PAPPA: variants seen among roughly 807,000 people sequenced by gnomAD.
The protein encoded by PAPPA is pappalysin 1.
In PAPPA, 60 loss-of-function variants were observed where a neutral mutation model predicts 164.0. The ratio of observed to expected loss-of-function variants is 0.37; its 90% CI spans 0.30 to 0.45. PAPPA has a LOEUF of 0.45. Among genes scored for constraint, PAPPA ranks in the 20% least tolerant of loss-of-function variants. PAPPA has a pLI of 1.00. For missense variants in PAPPA, 1,782 were observed against 2,087.3 expected (o/e 0.85, Z 2.85); for synonymous variants, 875 against 814.1 (o/e 1.07, Z -1.27).
chr9:116,207,038 T>C (rs972389464), intron 2 of PAPPA, among the ~76,000 whole-genome samples: 3 of 152,126 alleles, frequency 2.0e-5, no homozygotes, highest in Non-Finnish European at 4.4e-5. Flanking sequence ...GACCCTTTAT[T>C]ATTCTAAGAG....
chr9:116,284,545 C>CTTTTT lies in PAPPA; in HGVS notation c.2953+13148_2953+13152dup, dbSNP rs61248033. On this transcript the variant is annotated intron_variant, in intron 9 of 21. Transcript: ENST00000328252. ...CAAAATCTCTATCTTTAGTCTGGGC[C>CTTTTT]TTTTTTTTTTTTTTTTTTTTTTTGA... Among the ~76,000 whole-genome samples, 594 of 88,258 alleles carry CTTTTT rather than the reference C, an allele frequency of 6.7e-3. 33 individuals are homozygous for CTTTTT. Among genetic ancestry groups the CTTTTT allele is most frequent in the African/African-American group, 0.026 (565 of 21,970 alleles). 57.9% of individuals were successfully genotyped at this position (88,258 alleles called of 152,430 possible). A position where few individuals can be genotyped will look rare whatever the true frequency, so the allele number is the denominator to read the frequency against.
At chr9:116,299,437 T>C (rs1353091951) in intron 9 of PAPPA, among the ~76,000 whole-genome samples, 1 of 152,168 alleles carries the variant, frequency 6.6e-6, no homozygotes, top group Admixed American at 6.5e-5. Context: ...TTTAACATAA[T>C]CAGGAAGAAA....
At chr9:116,223,667 C>T (rs889488193) in intron 5 of PAPPA, among the ~76,000 whole-genome samples, 1 of 152,198 alleles carries the variant, frequency 6.6e-6, no homozygotes, top group Non-Finnish European at 1.5e-5. Context: ...AGTCAGTCCA[C>T]AAATTCAATA....
At chr9:116,273,126 A>T (rs759698291) in intron 9 of PAPPA, among the ~76,000 whole-genome samples, 5 of 152,184 alleles carry the variant, frequency 3.3e-5, no homozygotes, top group Non-Finnish European at 7.3e-5. Flanking sequence ...CATGTAATTT[A>T]TGTGCTTCTG....
chr9:116,275,764 C>T (rs775391949), intron 9 of PAPPA, among the ~76,000 whole-genome samples: 1 of 152,062 alleles, frequency 6.6e-6, no homozygotes, highest in African/African-American at 2.4e-5. Flanking sequence ...TTTAGAAGGG[C>T]TGATGTTTTC....
rs1005486386 is a variant in PAPPA at position 116,154,720 on chromosome 9, CAG to C, written c.415+137_415+138del. 30 of 1,081,174 alleles carry C rather than the reference CAG, an allele frequency of 2.8e-5. No homozygotes were observed. The African/African-American group carries it at 5.0e-4, about 18-fold the overall frequency. 67.0% of individuals were successfully genotyped at this position (1,081,174 alleles called of 1,614,324 possible). On this transcript the variant is annotated intron_variant, in intron 1 of 21. Transcript: ENST00000328252. This position sits in a 1 kb window ranked among gnomAD's most constrained non-coding sequence, Gnocchi z 5.2. Reference sequence around the variant, plus strand: ...TGCGAGAGCTGCCCCGCGAGCGGCGCAGAGACATCCGGGCGAGCTGAGAGCCT... The same window carrying C: ...TGCGAGAGCTGCCCCGCGAGCGGCGCAGACATCCGGGCGAGCTGAGAGCCT...
intron 10 of PAPPA, among the ~76,000 whole-genome samples, chr9:116,322,579 G>A (rs947672097): frequency 2.0e-5 from 3 of 152,162 alleles, no homozygotes; most frequent in African/African-American, 4.8e-5. Flanking sequence ...CTTTACAGCT[G>A]TAGTCTTATA....
chr9:116,181,723 T>C (rs1309919855), intron 1 of PAPPA, among the ~76,000 whole-genome samples: 4 of 152,192 alleles, frequency 2.6e-5, no homozygotes, highest in African/African-American at 9.6e-5. Flanking sequence ...ATCAGGCAGG[T>C]AGGCTGGTAA....
chr9:116,312,573 T>C (rs1250183887), intron 10 of PAPPA, among the ~76,000 whole-genome samples: 1 of 152,056 alleles, frequency 6.6e-6, no homozygotes, highest in Non-Finnish European at 1.5e-5. Context: ...AAGGATGGGG[T>C]TTTGAGGTGA....
chr9:116,339,677 C>T lies in PAPPA; in HGVS notation c.3611+4603C>T, dbSNP rs371808786. ...GCAACCCAGAATGATTTATAAACAG[C>T]CTTTCTGTTTTTATCTCTGCTTCCC... On this transcript the variant is annotated intron_variant, in intron 13 of 21. Transcript: ENST00000328252. Among the ~76,000 whole-genome samples, 58 of 152,264 alleles carry T rather than the reference C, an allele frequency of 3.8e-4. No individual in the cohort carries two copies. The South Asian group carries it at 0.012, about 31-fold the overall frequency.
chr9:116,194,115 A>C (rs1317775229), intron 2 of PAPPA, among the ~76,000 whole-genome samples: 1 of 152,194 alleles, frequency 6.6e-6, no homozygotes, highest in East Asian at 1.9e-4. Flanking sequence ...TTTTTTCTTC[A>C]GACTGTAGAC....
intron 1 of PAPPA, among the ~76,000 whole-genome samples, chr9:116,179,578 G>A (rs191534914): frequency 6.6e-6 from 1 of 152,254 alleles, no homozygotes; most frequent in Non-Finnish European, 1.5e-5. Flanking sequence ...CTTTTGACCC[G>A]GGGTGGACCC....
intron 5 of PAPPA, among the ~76,000 whole-genome samples, chr9:116,227,101 C>T (rs975490034): frequency 3.3e-5 from 5 of 152,184 alleles, no homozygotes; most frequent in South Asian, 2.1e-4. Context: ...AACTACATTG[C>T]AAATCCTCAG....
chr9:116,301,333 C>T (rs1178764148), intron 9 of PAPPA, among the ~76,000 whole-genome samples: 2 of 152,142 alleles, frequency 1.3e-5, no homozygotes, highest in Admixed American at 6.5e-5. Flanking sequence ...CAGAATCTTT[C>T]AAAAGTCCTG....
At chr9:116,371,785 A>G (rs1378820788) in intron 19 of PAPPA, among the ~76,000 whole-genome samples, 1 of 152,048 alleles carries the variant, frequency 6.6e-6, no homozygotes, top group Non-Finnish European at 1.5e-5. Context: ...ACCACTACTC[A>G]TATTAGGATG....
chr9:116,220,234 G>A lies in PAPPA; in HGVS notation c.2111+105G>A, dbSNP rs549363027. 5 of 867,808 alleles carry A rather than the reference G, an allele frequency of 5.8e-6. No homozygotes were observed. In the South Asian group the frequency reaches 5.8e-5, roughly 10 times the overall value. 53.8% of individuals were successfully genotyped at this position (867,808 alleles called of 1,614,324 possible). On this transcript the variant is annotated intron_variant, in intron 5 of 21. Coordinates refer to ENST00000328252, the MANE Select transcript of PAPPA (RefSeq NM_002581.5). Reference sequence around the variant, plus strand: ...GGAGAGGGATTTTACTGCATTTCTTGTTCTTGTTCAAAAGGTATCTCCACC... The same window carrying A: ...GGAGAGGGATTTTACTGCATTTCTTATTCTTGTTCAAAAGGTATCTCCACC...
chr9:116,299,215 AC>A (rs1845548317), intron 9 of PAPPA, among the ~76,000 whole-genome samples: 1 of 152,090 alleles, frequency 6.6e-6, no homozygotes, highest in South Asian at 2.1e-4. Flanking sequence ...TGGAGAAGAA[AC>A]TGCATCTTCT....
chr9:116,311,345 G>A (rs1227764118), intron 10 of PAPPA, among the ~76,000 whole-genome samples: 1 of 152,158 alleles, frequency 6.6e-6, no homozygotes. Context: ...ATGGAGGAAG[G>A]AAGACACCAA....
chr9:116,189,490 T>G (rs1844017151), intron 2 of PAPPA, among the ~76,000 whole-genome samples: 1 of 152,106 alleles, frequency 6.6e-6, no homozygotes, highest in African/African-American at 2.4e-5. Context: ...CAGAAGGAAT[T>G]TCTCATCTAC....
Sources: allele counts gnomAD v4.1 joint callset (sites outside exome capture counted in the v4.1 genomes callset), GRCh38; gene constraint gnomAD v4.1.1; non-coding constraint Gnocchi (gnomAD v3.1); transcripts MANE v1.5; gene names NCBI Gene and HGNC (gene_info 2026-07-23, HGNC 2026-07-21).